EOGT: variants seen among roughly 807,000 people sequenced by gnomAD.
EOGT encodes EGF domain-specific O-linked N-acetylglucosamine transferase.
A neutral mutation model predicts 70.5 loss-of-function variants in EOGT; 55 were observed. The observed-to-expected ratio is 0.78, with a 90% CI of 0.63 to 0.98. The LOEUF (loss-of-function observed/expected upper bound fraction) is 0.98. Among genes scored for constraint, EOGT ranks in the 50% least tolerant of loss-of-function variants. The pLI is 0.00. For missense variants in EOGT, 703 were observed against 641.9 expected (o/e 1.10, Z -1.03); for synonymous variants, 246 against 217.1 (o/e 1.13, Z -1.17).
rs954303678 is a variant in EOGT, at chr3:68,988,540, C to T, written c.962G>A (p.Arg321His). Reference protein sequence around the residue: ...FKEAVFSLLPRMRYGLFYNTP... With the variant: ...FKEAVFSLLPHMRYGLFYNTP... ...ATTATAGAACAGCCCATACCTCATG[C>T]GGGGGAGTAATGAAAAAACAGCTTC... The change falls in exon 12 of 18, where the codon CGC becomes CAC. Residue 321 changes from arginine (R) to histidine (H), a missense_variant. Physicochemically the swap from Arg to His is conservative, Grantham distance 29. Coordinates refer to ENST00000383701, the MANE Select transcript of EOGT (RefSeq NM_001278689.2). 1.0e-5 allele frequency: 16 copies of T among 1,532,508 alleles called. No homozygotes were observed. The highest frequency in any genetic ancestry group is 1.3e-5 in the Non-Finnish European group (15 of 1,145,108). 94.9% of individuals were successfully genotyped at this position (1,532,508 alleles called of 1,614,324 possible).
At chr3:68,979,930 C>T (rs1014923575) in intron 15 of EOGT, 143 bp from the exon 16 acceptor site, 4 of 752,898 alleles carry the variant, frequency 5.3e-6, no homozygotes, top group Non-Finnish European at 7.9e-6. Context: ...AGCATTTTTG[C>T]CAATTTCAAG....
Position 68,987,297 on chromosome 3 carries a change from C to G in EOGT, c.1152+148G>C, listed in dbSNP as rs777975252. The G allele has an allele frequency of 4.5e-6, 3 of 668,074 alleles. No homozygotes were observed. The African/African-American group carries it at 5.5e-5, about 12-fold the overall frequency. 41.4% of individuals were successfully genotyped at this position (668,074 alleles called of 1,614,324 possible). On this transcript the variant is annotated intron_variant, in intron 14 of 17. Transcript: ENST00000383701. ...GGTGAATCTCACTAGAAATTCAAATCTAATAAATAAACCGGGCATAGGCCA... is the reference window on the plus strand; with the variant it reads ...GGTGAATCTCACTAGAAATTCAAATGTAATAAATAAACCGGGCATAGGCCA...
chr3:68,996,987 C>T (rs1335517948), intron 10 of EOGT, among the ~76,000 whole-genome samples: 1 of 152,310 alleles, frequency 6.6e-6, no homozygotes, highest in Non-Finnish European at 1.5e-5. Flanking sequence ...ACGGTTCATT[C>T]TCAAAATGAC....
chr3:69,004,254 G>A, intron 8 of EOGT, 124 bp downstream of exon 8: 1 of 703,036 alleles, frequency 1.4e-6, no homozygotes, highest in South Asian at 1.9e-5. Flanking sequence ...TCACTTCCCA[G>A]AAGCTCATGC....
At chr3:69,000,559 G>A (rs945626055) in intron 9 of EOGT, among the ~76,000 whole-genome samples, 3 of 152,144 alleles carry the variant, frequency 2.0e-5, no homozygotes, top group African/African-American at 7.2e-5. Context: ...ACTTCAGAAG[G>A]CAGAGCACAT....
chr3:68,994,310 C>T (rs2091083096), intron 10 of EOGT, among the ~76,000 whole-genome samples: 1 of 152,040 alleles, frequency 6.6e-6, no homozygotes, highest in South Asian at 2.1e-4. Flanking sequence ...TATTCCTGGA[C>T]TTTAGCCTGG....
At chr3:68,994,016 C>A (rs1406679451) in intron 10 of EOGT, among the ~76,000 whole-genome samples, 3 of 152,120 alleles carry the variant, frequency 2.0e-5, no homozygotes, top group African/African-American at 4.8e-5. Flanking sequence ...GGGGACACAG[C>A]CAAACCATAT....
chr3:68,979,641 A>C, intron 16 of EOGT, 27 bp downstream of exon 16: 1 of 1,609,270 alleles, frequency 6.2e-7, no homozygotes, highest in Non-Finnish European at 8.5e-7. Context: ...CAGTTGCTTC[A>C]GTGTAAAACT....
intron 10 of EOGT, among the ~76,000 whole-genome samples, 163 bp from the exon 11 acceptor site, chr3:68,989,180 G>A (rs2090905045): frequency 6.6e-6 from 1 of 152,192 alleles, no homozygotes; most frequent in Admixed American, 6.5e-5. Flanking sequence ...TTGGGCCAGA[G>A]CAAATGCCTA....
intron 14 of EOGT, among the ~76,000 whole-genome samples, chr3:68,987,231 A>C (rs991256505): frequency 4.6e-5 from 7 of 152,206 alleles, no homozygotes; most frequent in African/African-American, 1.7e-4. Flanking sequence ...ATGCAGATGA[A>C]ATTTACTATA....
intron 14 of EOGT, among the ~76,000 whole-genome samples, chr3:68,983,690 G>A (rs2090718806): frequency 6.6e-6 from 1 of 152,208 alleles, no homozygotes; most frequent in Non-Finnish European, 1.5e-5. Context: ...GTGGCTGGGC[G>A]CAGTGGCTCA....
At position 68,979,804 on chromosome 3, in the gene EOGT, T is replaced by A. The variant is rs1423017073; in HGVS notation, c.1215-17A>T. 1 of 1,611,384 alleles carries A rather than the reference T, an allele frequency of 6.2e-7. No homozygotes were observed. The highest frequency in any genetic ancestry group is 1.7e-5 in the Admixed American group (1 of 59,960). On this transcript the variant is annotated splice_polypyrimidine_tract_variant and intron_variant, in intron 15 of 17. Transcript: ENST00000383701. ...CCAAGTTCTCTGTGAACATACAGAA[T>A]AACATGAGAGAGATGGGGAGAAGAG...
chr3:68,995,826 A>C (rs964436200), intron 10 of EOGT, among the ~76,000 whole-genome samples: 12 of 152,128 alleles, frequency 7.9e-5, no homozygotes, highest in African/African-American at 2.4e-4. Context: ...GCCTGGATGG[A>C]AACTTTGGTT....
chr3:68,979,769 A>T lies in EOGT; in HGVS notation c.1233T>A (p.Asp411Glu). 19 of 1,613,510 alleles carry T rather than the reference A, an allele frequency of 1.2e-5. No homozygotes were observed. The highest frequency in any genetic ancestry group is 1.6e-5 in the Non-Finnish European group (19 of 1,179,614). ...DYKYRELGFL[D>E]QLRITHNTDI... Reference sequence around the variant, plus strand: ...CCGTGTTGTGTGTGATCCTTAGTTGATCTAAAAACCCAAGTTCTCTGTGAA... The same window carrying T: ...CCGTGTTGTGTGTGATCCTTAGTTGTTCTAAAAACCCAAGTTCTCTGTGAA... The change falls in exon 16 of 18, where the codon GAT becomes GAA. Residue 411 changes from aspartate (D) to glutamate (E), a missense_variant. Coordinates refer to ENST00000383701, the MANE Select transcript of EOGT (RefSeq NM_001278689.2).
Position 69,009,782 on chromosome 3 carries a change from G to C in EOGT, c.65C>G (p.Ala22Gly). ...HEVSLSGQNEAPPNTHSIPGE... is the reference protein window; with the variant it reads ...HEVSLSGQNEGPPNTHSIPGE... Reference sequence around the variant, plus strand: ...TGGAATGCTGTGAGTATTAGGAGGAGCTTCATTCTGACCACTCAGTGAGAC... The same window carrying C: ...TGGAATGCTGTGAGTATTAGGAGGACCTTCATTCTGACCACTCAGTGAGAC... The change falls in exon 4 of 18, where the codon GCT becomes GGT. Residue 22 changes from alanine (A) to glycine (G), a missense_variant. Transcript: ENST00000383701. The C allele has an allele frequency of 6.2e-7, 1 of 1,614,062 alleles. No individual in the cohort carries two copies. Among genetic ancestry groups the C allele is most frequent in the Non-Finnish European group, 8.5e-7 (1 of 1,180,008 alleles).
chr3:69,009,912 AAACAACAAC>A lies in EOGT; in HGVS notation c.-14-61_-14-53del. On this transcript the variant is annotated intron_variant, in intron 3 of 17. Coordinates refer to ENST00000383701, the MANE Select transcript of EOGT (RefSeq NM_001278689.2). ...GTTAACAAATTTCCTTTAAAAGCCA[AAACAACAAC>A]AACAACAACAACAAAAAAAAAAAAA... 2 of 616,790 alleles carry A rather than the reference AAACAACAAC, an allele frequency of 3.2e-6. 1 individual carries two copies. The highest frequency in any genetic ancestry group is 4.6e-5 in the South Asian group (2 of 43,044). 38.2% of individuals were successfully genotyped at this position (616,790 alleles called of 1,614,324 possible).
chr3:68,999,059 AAAG>A (rs1489712365), intron 9 of EOGT, among the ~76,000 whole-genome samples: 1 of 152,220 alleles, frequency 6.6e-6, no homozygotes, highest in Non-Finnish European at 1.5e-5. Context: ...AATTCTGGAG[AAAG>A]AAGAAGTTGA....
Position 68,988,582 on chromosome 3 carries a change from G to A in EOGT, c.925-5C>T. 1 of 1,509,822 alleles carries A rather than the reference G, an allele frequency of 6.6e-7. No homozygotes were observed. Among genetic ancestry groups the A allele is most frequent in the Non-Finnish European group, 8.8e-7 (1 of 1,130,472 alleles). 93.5% of individuals were successfully genotyped at this position (1,509,822 alleles called of 1,614,324 possible). On this transcript the variant is annotated splice_polypyrimidine_tract_variant and splice_region_variant and intron_variant, in intron 11 of 17. Coordinates refer to ENST00000383701, the MANE Select transcript of EOGT (RefSeq NM_001278689.2). ...AACAGCTTCTTTAAAACATACCTAA[G>A]AACAAAGATACATTAAAAGAAGATG...
chr3:69,000,270 A>G (rs2091262007), intron 9 of EOGT, among the ~76,000 whole-genome samples: 2 of 152,174 alleles, frequency 1.3e-5, no homozygotes. Context: ...ATTAGAAGAA[A>G]AAAGTAGAGT....
Sources: gnomAD v4.1 joint callset for allele counts (sites outside exome capture counted in the v4.1 genomes callset) on GRCh38, gnomAD v4.1.1 for gene constraint, MANE v1.5 for transcripts, NCBI Gene and HGNC (gene_info 2026-07-23, HGNC 2026-07-21) for gene names.